The following REEP5 variants were observed in gnomAD, a reference collection of about 807,000 sequenced individuals.
REEP5 encodes the protein receptor accessory protein 5, also known as receptor expression-enhancing protein 5.
A neutral mutation model predicts 22.4 loss-of-function variants in REEP5; 24 were observed. The ratio of observed to expected loss-of-function variants is 1.07; its 90% CI spans 0.78 to 1.51. The LOEUF is 1.51. Among genes scored for constraint, REEP5 ranks in the 40% most tolerant of loss-of-function variants. The probability of loss-of-function intolerance (pLI) is 0.00; values close to 1 mark genes in which losing one functional copy is unlikely to be tolerated. For synonymous variants in REEP5, 103 were observed against 88.6 expected (o/e 1.16, Z -0.92); for missense variants, 252 against 233.0 (o/e 1.08, Z -0.53).
At position 112,913,534 on chromosome 5, in the gene REEP5, G is replaced by A. The variant is rs186868154; in HGVS notation, c.212+7629C>T. ...GCCTGGGTGACAGAGTATGACCCTG[G>A]CTAAAAAAAAAAAAAAAAAAAAAAA... On this transcript the variant is annotated intron_variant, in intron 2 of 4. Coordinates refer to ENST00000379638, the MANE Select transcript of REEP5 (RefSeq NM_005669.5). 4.0e-4 allele frequency among the ~76,000 whole-genome samples: 39 copies of A among 96,440 alleles called. 1 individual carries two copies. The highest frequency in any genetic ancestry group is 1.7e-3 in the African/African-American group (37 of 21,342). The allele number at this position is 96,440 out of a possible 152,430, so 63.3% of individuals were successfully genotyped here.
chr5:112,908,769 A>T (rs1424888679), intron 2 of REEP5, among the ~76,000 whole-genome samples: 1 of 150,832 alleles, frequency 6.6e-6, no homozygotes, highest in African/African-American at 2.4e-5. Context: ...GTTAGCCAGG[A>T]TTGTCTCGAT....
rs1416375089 is a variant in REEP5, at chr5:112,877,711, A to C, written c.*1075T>G. 3.3e-5 allele frequency: 5 copies of C among 152,210 alleles called. No homozygotes were observed. The highest frequency in any genetic ancestry group is 4.8e-5 in the African/African-American group (2 of 41,448). 9.4% of individuals were successfully genotyped at this position (152,210 alleles called of 1,614,324 possible). A position where few individuals can be genotyped will look rare whatever the true frequency, so the allele number is the denominator to read the frequency against. ...CTTTCATTCTCCCAGAATTGCTCTTAGAGCTAGGTGTCGTCATTAGCATGT... is the reference window on the plus strand; with the variant it reads ...CTTTCATTCTCCCAGAATTGCTCTTCGAGCTAGGTGTCGTCATTAGCATGT... On this transcript the variant is annotated 3_prime_UTR_variant, in exon 5 of 5. Transcript: ENST00000379638.
At chr5:112,921,028 C>G (rs1357352532) in intron 2 of REEP5, 135 bp downstream of exon 2, 1 of 791,048 alleles carries the variant, frequency 1.3e-6, no homozygotes, top group Non-Finnish European at 2.1e-6. Flanking sequence ...ATCCCCACCC[C>G]TTATGTCCAA....
rs148560021 is a variant in REEP5 at position 112,894,751 on chromosome 5, C to T, written c.352-7568G>A. The T allele has an allele frequency of 5.3e-5, 8 of 152,256 alleles. No individual in the cohort carries two copies. In the East Asian group the frequency reaches 1.2e-3, roughly 22 times the overall value. 9.4% of individuals were successfully genotyped at this position (152,256 alleles called of 1,614,324 possible). A position where few individuals can be genotyped will look rare whatever the true frequency, so the allele number is the denominator to read the frequency against. ...GTATTTTATTAATACTTAGTGAATT[C>T]GTTGAGTTTTACATTGACATGTAAT... On this transcript the variant is annotated intron_variant, in intron 3 of 4. Transcript: ENST00000379638.
chr5:112,902,239 G>C, intron 3 of REEP5, 141 bp downstream of exon 3: 1 of 824,394 alleles, frequency 1.2e-6, no homozygotes, highest in Non-Finnish European at 1.7e-6. Flanking sequence ...TTTTGAGACA[G>C]AGTCTCGCTC....
At chr5:112,881,487 G>A (rs1177947375) in intron 4 of REEP5, among the ~76,000 whole-genome samples, 5 of 152,114 alleles carry the variant, frequency 3.3e-5, no homozygotes, top group South Asian at 2.1e-4. Context: ...CCATTCCTCC[G>A]AATGTTTCCT....
At chr5:112,892,411 G>A (rs769723900) in intron 3 of REEP5, 3 of 1,614,118 alleles carry the variant, frequency 1.9e-6, no homozygotes, top group Non-Finnish European at 2.5e-6. Flanking sequence ...CGTGGGGAAA[G>A]TGATTCAGTT....
intron 3 of REEP5, chr5:112,894,299 T>A (rs1400310724): frequency 6.6e-6 from 1 of 152,262 alleles, no homozygotes; most frequent in Admixed American, 6.5e-5. Flanking sequence ...TTTTGTATTT[T>A]AGTAGAGACA....
chr5:112,879,366 G>A (rs1188441399), intron 4 of REEP5, among the ~76,000 whole-genome samples: 3 of 151,854 alleles, frequency 2.0e-5, no homozygotes, highest in Non-Finnish European at 2.9e-5. Flanking sequence ...GAGGAGATTA[G>A]TTCCAGGAAC....
intron 3 of REEP5, among the ~76,000 whole-genome samples, chr5:112,900,455 A>G (rs1052597571): frequency 2.0e-5 from 3 of 152,174 alleles, no homozygotes; most frequent in Non-Finnish European, 4.4e-5. Context: ...TTTTGGCATA[A>G]AAGTCCTGTC....
rs57112380 is a variant in REEP5, at chr5:112,892,898, G to A, written c.352-5715C>T. On this transcript the variant is annotated intron_variant, in intron 3 of 4. Coordinates refer to ENST00000379638, the MANE Select transcript of REEP5 (RefSeq NM_005669.5). ...TCTCACAAACGCACATCAAAGAGTC[G>A]GGAGAGGCACAATTCACCAAGCAGA... 8.6e-3 allele frequency: 13,875 copies of A among 1,610,170 alleles called. 1,029 individuals are homozygous for A. The African/African-American group carries it at 0.16, about 19-fold the overall frequency.
At chr5:112,897,731 C>T (rs1186885290) in intron 3 of REEP5, 1 of 152,040 alleles carries the variant, frequency 6.6e-6, no homozygotes, top group Non-Finnish European at 1.5e-5. Context: ...AAAATAAAGC[C>T]AACAATATTA....
intron 3 of REEP5, among the ~76,000 whole-genome samples, chr5:112,889,166 GTC>G (rs1334769952): frequency 6.0e-5 from 9 of 150,808 alleles, no homozygotes; most frequent in Admixed American, 3.3e-4. Context: ...TCTCGGCTAT[GTC>G]TTTATTAGCA....
At chr5:112,894,824 T>A (rs1250166882) in intron 3 of REEP5, 2 of 152,248 alleles carry the variant, frequency 1.3e-5, no homozygotes, top group Non-Finnish European at 1.5e-5. Context: ...AGCTTCTGCA[T>A]AGAATGTATT....
intron 2 of REEP5, among the ~76,000 whole-genome samples, chr5:112,919,013 T>C (rs1251229496): frequency 6.6e-6 from 1 of 152,246 alleles, no homozygotes; most frequent in Non-Finnish European, 1.5e-5. Context: ...TCTTGCCATA[T>C]CTAAAGTGCT....
chr5:112,906,407 C>T (rs1016061735), intron 2 of REEP5, among the ~76,000 whole-genome samples: 4 of 152,276 alleles, frequency 2.6e-5, no homozygotes, highest in Non-Finnish European at 4.4e-5. Flanking sequence ...GCAAAATGTC[C>T]GGTACAAAGT....
chr5:112,914,620 T>C (rs757417502), intron 2 of REEP5, among the ~76,000 whole-genome samples: 1 of 152,226 alleles, frequency 6.6e-6, no homozygotes, highest in African/African-American at 2.4e-5. Context: ...TCTATAAGTA[T>C]CTGTGTCAGA....
At chr5:112,902,862 G>A (rs1311091411) in intron 2 of REEP5, among the ~76,000 whole-genome samples, 2 of 152,282 alleles carry the variant, frequency 1.3e-5, no homozygotes, top group Non-Finnish European at 1.5e-5. Context: ...GTCCTGCCAC[G>A]AGGGATATAT....
chr5:112,878,737 C>G lies in REEP5; in HGVS notation c.*49G>C. ...CCACAGTCCCTAATATAACATCAAGCTCCAGTAGGAAGGTACAGAGAGGGC... is the reference window on the plus strand; with the variant it reads ...CCACAGTCCCTAATATAACATCAAGGTCCAGTAGGAAGGTACAGAGAGGGC... On this transcript the variant is annotated 3_prime_UTR_variant, in exon 5 of 5. Transcript: ENST00000379638. The G allele has an allele frequency of 6.2e-7, 1 of 1,607,524 alleles. No individual in the cohort carries two copies. The highest frequency in any genetic ancestry group is 1.1e-5 in the South Asian group (1 of 89,542).
Sources: allele counts gnomAD v4.1 joint callset (sites outside exome capture counted in the v4.1 genomes callset), GRCh38; gene constraint gnomAD v4.1.1; transcripts MANE v1.5; gene names NCBI Gene and HGNC (gene_info 2026-07-23, HGNC 2026-07-21).